RALYL: variants seen among roughly 807,000 people sequenced by gnomAD.
The protein encoded by RALYL is RNA-binding Raly-like protein.
In RALYL, 29 loss-of-function variants were observed where a neutral mutation model predicts 35.1. That is an observed-to-expected ratio of 0.83 (90% CI 0.61 to 1.13). The LOEUF is 1.13. Ranked by LOEUF, RALYL falls within the 50% of genes most tolerant of loss-of-function variation. The pLI, the probability that RALYL is intolerant of heterozygous loss-of-function variation, is 0.00. For synonymous variants in RALYL, 120 were observed against 127.6 expected (o/e 0.94, Z 0.40); for missense variants, 359 against 360.4 (o/e 1.00, Z 0.03).
At chr8:84,280,202 A>G (rs748156823) in intron 1 of RALYL, among the ~76,000 whole-genome samples, 2 of 152,204 alleles carry the variant, frequency 1.3e-5, no homozygotes, top group African/African-American at 2.4e-5. Flanking sequence ...AATTATGAAT[A>G]TACAGTGGTA....
intron 1 of RALYL, among the ~76,000 whole-genome samples, chr8:84,396,968 A>T (rs1391011899): frequency 1.3e-5 from 2 of 152,042 alleles, no homozygotes; most frequent in Non-Finnish European, 1.5e-5. Context: ...GAACTTGTCT[A>T]AGTTACATGG....
chr8:84,553,206 C>T (rs1216625231), intron 2 of RALYL, among the ~76,000 whole-genome samples: 1 of 152,106 alleles, frequency 6.6e-6, no homozygotes, highest in Non-Finnish European at 1.5e-5. Context: ...GTTGCCCAGT[C>T]CCTGGAGTGC....
chr8:84,454,165 T>C (rs1035722315), intron 1 of RALYL, among the ~76,000 whole-genome samples: 6 of 151,946 alleles, frequency 3.9e-5, no homozygotes, highest in African/African-American at 1.4e-4. Flanking sequence ...AAGGAAGAGA[T>C]AGATTATCTT....
chr8:84,630,279 G>C (rs1453000226), intron 2 of RALYL, among the ~76,000 whole-genome samples: 1 of 151,970 alleles, frequency 6.6e-6, no homozygotes, highest in Admixed American at 6.6e-5. Flanking sequence ...TGGCTACCTA[G>C]TGTGCTCTCC....
In RALYL at chr8:84,311,941, T is replaced by G. The variant is rs117381754; in HGVS notation, c.-24+127517T>G. 7.4e-3 allele frequency among the ~76,000 whole-genome samples: 1,133 copies of G among 152,276 alleles called. 3 individuals are homozygous for G. The highest frequency in any genetic ancestry group is 0.014 in the Middle Eastern group (4 of 294). On this transcript the variant is annotated intron_variant, in intron 1 of 8. Coordinates refer to ENST00000521268, the MANE Select transcript of RALYL (RefSeq NM_173848.7). The stretch of plus-strand genomic sequence containing the variant: ...ACAATAAACAGTGTTGGAACAGTCT[T>G]GTGTTTATGAGTGTATTAGTCCATT...
chr8:84,289,343 A>C (rs1424298669), intron 1 of RALYL, among the ~76,000 whole-genome samples: 1 of 152,202 alleles, frequency 6.6e-6, no homozygotes, highest in Non-Finnish European at 1.5e-5. Context: ...TAAAGAAAAA[A>C]ATGCTGTAAG....
chr8:84,729,658 G>A (rs1845738794), intron 2 of RALYL, among the ~76,000 whole-genome samples: 2 of 152,086 alleles, frequency 1.3e-5, no homozygotes, highest in Admixed American at 1.3e-4. Flanking sequence ...AAGAAAAAAA[G>A]AGAGAAGAAT....
intron 1 of RALYL, among the ~76,000 whole-genome samples, chr8:84,377,241 T>C (rs1857077181): frequency 6.6e-6 from 1 of 151,776 alleles, no homozygotes; most frequent in Non-Finnish European, 1.5e-5. Context: ...CAAGTGAGTC[T>C]TGTGAGAAGG....
At chr8:84,374,167 A>T (rs1239491486) in intron 1 of RALYL, among the ~76,000 whole-genome samples, 1 of 151,904 alleles carries the variant, frequency 6.6e-6, no homozygotes, top group Non-Finnish European at 1.5e-5. Context: ...TGATGGTTTG[A>T]CTTCCTCTTT....
intron 1 of RALYL, among the ~76,000 whole-genome samples, chr8:84,520,282 A>T (rs1406162548): frequency 6.6e-6 from 1 of 152,164 alleles, no homozygotes. Context: ...CAGAGGAAAA[A>T]TGCTTTTCAG....
At chr8:84,467,424 T>C (rs2051871140) in intron 1 of RALYL, among the ~76,000 whole-genome samples, 1 of 148,594 alleles carries the variant, frequency 6.7e-6, no homozygotes, top group Non-Finnish European at 1.5e-5. Context: ...CAGGAGCAGA[T>C]TGTTCAGTTT....
At chr8:84,577,348 G>A (rs370144927) in intron 2 of RALYL, among the ~76,000 whole-genome samples, 57 of 152,344 alleles carry the variant, frequency 3.7e-4, no homozygotes, top group Non-Finnish European at 5.6e-4. Context: ...CTGTAGCAGC[G>A]TGGCAGGTAG....
intron 1 of RALYL, among the ~76,000 whole-genome samples, chr8:84,393,469 G>A (rs756966840): frequency 2.5e-4 from 38 of 152,118 alleles, no homozygotes; most frequent in Middle Eastern, 3.4e-3. Flanking sequence ...AGTCACAGAA[G>A]TACATCCCTT....
chr8:84,912,446 C>A (rs1847665793), intron 8 of RALYL, among the ~76,000 whole-genome samples: 1 of 151,986 alleles, frequency 6.6e-6, no homozygotes, highest in Admixed American at 6.6e-5. Flanking sequence ...TTAAAAAGGT[C>A]AATAATGTTT....
Position 84,253,176 on chromosome 8 carries a change from G to GTTTTTTTTTT in RALYL, c.-24+68774_-24+68783dup, listed in dbSNP as rs764942491. Among the ~76,000 whole-genome samples the GTTTTTTTTTT allele has an allele frequency of 3.8e-5, 2 of 52,822 alleles. 1 individual carries two copies. Among genetic ancestry groups the GTTTTTTTTTT allele is most frequent in the African/African-American group, 1.7e-4 (2 of 11,536 alleles). The allele number at this position is 52,822 out of a possible 152,430, so 34.7% of individuals were successfully genotyped here. The stretch of plus-strand genomic sequence containing the variant: ...GTATGTGTCTGTGTGTAGTTCTGCA[G>GTTTTTTTTTT]TTTTTTTTTTTTTTTTTTTTTTTTT... On this transcript the variant is annotated intron_variant, in intron 1 of 8. Coordinates refer to ENST00000521268, the MANE Select transcript of RALYL (RefSeq NM_173848.7).
intron 2 of RALYL, among the ~76,000 whole-genome samples, chr8:84,735,925 C>A (rs527574032): frequency 1.3e-5 from 2 of 151,778 alleles, no homozygotes; most frequent in Non-Finnish European, 2.9e-5. Context: ...TGACCATGCT[C>A]CTTGGAGACC....
At chr8:84,689,909 G>GA (rs923387741) in intron 2 of RALYL, among the ~76,000 whole-genome samples, 24 of 151,506 alleles carry the variant, frequency 1.6e-4, no homozygotes, top group South Asian at 4.2e-4. Flanking sequence ...ATCAAGTGTG[G>GA]AAAAAAAACA....
chr8:84,254,771 T>A (rs1422873183), intron 1 of RALYL, among the ~76,000 whole-genome samples: 1 of 139,998 alleles, frequency 7.1e-6, no homozygotes, highest in Non-Finnish European at 1.6e-5. Context: ...GAGGTTTAAT[T>A]GACTCACAGC....
intron 1 of RALYL, among the ~76,000 whole-genome samples, chr8:84,317,913 A>G (rs2130256899): frequency 6.6e-6 from 1 of 152,134 alleles, no homozygotes; most frequent in Admixed American, 6.5e-5. Flanking sequence ...TCTTCTTATT[A>G]TCTTAATTAT....
Sources: allele counts gnomAD v4.1 joint callset (sites outside exome capture counted in the v4.1 genomes callset), GRCh38; gene constraint gnomAD v4.1.1; transcripts MANE v1.5; gene names NCBI Gene and HGNC (gene_info 2026-07-23, HGNC 2026-07-21).